The following USP25 variants were observed in gnomAD, a reference collection of about 807,000 sequenced individuals.
USP25 encodes ubiquitin carboxyl-terminal hydrolase 25.
A neutral mutation model predicts 158.5 loss-of-function variants in USP25; 85 were observed. The ratio of observed to expected loss-of-function variants is 0.54; its 90% CI spans 0.45 to 0.64. The LOEUF (loss-of-function observed/expected upper bound fraction) is 0.64. Among genes scored for constraint, USP25 ranks in the 30% least tolerant of loss-of-function variants. The pLI is 0.00. For missense variants in USP25, 1,242 were observed against 1,327.3 expected, an observed-to-expected ratio of 0.94 and a Z score of 1.00; for synonymous variants, 464 against 460.4, an observed-to-expected ratio of 1.01 and a Z score of -0.10.
chr21:15,835,735 ACTT>A (rs1445276188), intron 17 of USP25, among the ~76,000 whole-genome samples: 2 of 152,220 alleles, frequency 1.3e-5, no homozygotes, highest in African/African-American at 2.4e-5. Context: ...TGGTAATACT[ACTT>A]CTGTAGGAAA....
chr21:15,849,356 G>A (rs2038779939), intron 19 of USP25, among the ~76,000 whole-genome samples: 1 of 152,158 alleles, frequency 6.6e-6, no homozygotes, highest in Admixed American at 6.6e-5. Context: ...GTACAGTTCT[G>A]CAAGGATGAC....
rs374306435 is a variant in USP25, at chr21:15,811,140, T to A, written c.861T>A (p.Asp287Glu). Residue 287 changes from aspartate (D) to glutamate (E), a missense_variant, in exon 9 of 26, where the codon GAT becomes GAA. Transcript: ENST00000400183. ...AFQMKAEEET[D>E]EEKPKNPMVE... ...TATATTTTTTAACATACTTTAGGGA[T>A]GAAGAGAAGCCAAAGAACCCCATGG... 1 of 1,610,642 alleles carries A rather than the reference T, an allele frequency of 6.2e-7. No individual in the cohort carries two copies. The highest frequency in any genetic ancestry group is 1.1e-5 in the South Asian group (1 of 90,070).
intron 4 of USP25, among the ~76,000 whole-genome samples, chr21:15,783,663 A>G (rs1001128144): frequency 2.6e-5 from 4 of 152,102 alleles, no homozygotes; most frequent in African/African-American, 9.7e-5. Flanking sequence ...ATCCTTAAGA[A>G]ATGAAAAAGA....
chr21:15,801,294 T>G (rs1193641461), intron 6 of USP25, among the ~76,000 whole-genome samples: 1 of 151,552 alleles, frequency 6.6e-6, no homozygotes, highest in Non-Finnish European at 1.5e-5. Context: ...GTTGCTATAT[T>G]TATGCTTATA....
chr21:15,734,120 A>G (rs761686964), intron 1 of USP25, among the ~76,000 whole-genome samples: 19 of 152,220 alleles, frequency 1.2e-4, no homozygotes, highest in Non-Finnish European at 1.9e-4. Flanking sequence ...AGAATAAAAA[A>G]GAAACAGTAT....
intron 1 of USP25, among the ~76,000 whole-genome samples, chr21:15,752,726 G>A (rs2033113933): frequency 6.6e-6 from 1 of 152,098 alleles, no homozygotes; most frequent in African/African-American, 2.4e-5. Flanking sequence ...TTTAGCTCTG[G>A]AATTCTATAA....
At position 15,731,842 on chromosome 21, in the gene USP25, A is replaced by G. The variant is rs946811328; in HGVS notation, c.45+1404A>G. Among the ~76,000 whole-genome samples, 3 of 152,340 alleles carry G rather than the reference A, an allele frequency of 2.0e-5. No homozygotes were observed. In the South Asian group the frequency reaches 6.2e-4, roughly 32 times the overall value. The stretch of plus-strand genomic sequence containing the variant: ...AATTTTTAAAGACTTAAGGCTTAGG[A>G]AAGAGCACATGGTCATGTGAACGCT... On this transcript the variant is annotated intron_variant, in intron 1 of 25. Transcript: ENST00000400183.
At position 15,824,072 on chromosome 21, in the gene USP25, T is replaced by G; in HGVS notation, c.1114T>G (p.Phe372Val). ...TACTGAATTACCACCTGTGTTAACA[T>G]TTGAATTGTCAAGATTTGAATTTAA... ...WFTELPPVLT[F>V]ELSRFEFNQA... The change falls in exon 11 of 26, where the codon TTT (phenylalanine) becomes GTT (valine). Residue 372 changes from phenylalanine (F) to valine (V), a missense_variant. Around this residue, in one of 3 missense-constraint regions of USP25, gnomAD observed 627 missense variants for 701.4 expected, o/e 0.89. Transcript: ENST00000400183. The G allele has an allele frequency of 6.2e-7, 1 of 1,613,622 alleles. No homozygotes were observed. The highest frequency in any genetic ancestry group is 1.3e-5 in the African/African-American group (1 of 75,034).
rs2038438320 is a variant in USP25 at position 15,843,508 on chromosome 21, A to G, written c.2337+968A>G. ...TTTTGTTTTGATGAACTAAATAACA[A>G]TACAAATTATTTTTTGTTTGAACAA... On this transcript the variant is annotated intron_variant, in intron 18 of 25. Coordinates refer to ENST00000400183, the MANE Select transcript of USP25 (RefSeq NM_001283041.3). This position sits in a 1 kb window ranked among gnomAD's most constrained non-coding sequence, Gnocchi z 4.0. Among the ~76,000 whole-genome samples the G allele has an allele frequency of 1.3e-5, 2 of 152,240 alleles. No homozygotes were observed. The highest frequency in any genetic ancestry group is 6.5e-5 in the Admixed American group (1 of 15,284).
rs571864830 is a variant in USP25 at position 15,751,856 on chromosome 21, A to G, written c.46-11035A>G. 3.3e-5 allele frequency among the ~76,000 whole-genome samples: 5 copies of G among 152,366 alleles called. No homozygotes were observed. In the South Asian group the frequency reaches 1.0e-3, roughly 32 times the overall value. ...AGTAACAGTATTTTTTGGGAGAAAT[A>G]CATTTAGAGTTTCTACTCATGATGT... is the stretch of plus-strand genomic sequence containing the variant. On this transcript the variant is annotated intron_variant, in intron 1 of 25. Transcript: ENST00000400183.
At chr21:15,796,585 G>A (rs954652288) in intron 5 of USP25, among the ~76,000 whole-genome samples, 3 of 151,452 alleles carry the variant, frequency 2.0e-5, no homozygotes, top group Admixed American at 1.3e-4. Context: ...TAAATGGTTA[G>A]AATGTAGCAT....
At chr21:15,741,177 CT>C (rs1478295138) in intron 1 of USP25, among the ~76,000 whole-genome samples, 3 of 151,096 alleles carry the variant, frequency 2.0e-5, no homozygotes, top group African/African-American at 7.3e-5. Context: ...CAGCAAAAAG[CT>C]TTTGAGATTC....
chr21:15,732,319 A>G (rs2030996449), intron 1 of USP25, among the ~76,000 whole-genome samples: 1 of 152,208 alleles, frequency 6.6e-6, no homozygotes, highest in African/African-American at 2.4e-5. Context: ...TACAGAAGAA[A>G]CACTTAAATG....
chr21:15,807,024 A>G (rs914311174), intron 7 of USP25, among the ~76,000 whole-genome samples: 3 of 151,806 alleles, frequency 2.0e-5, no homozygotes, highest in African/African-American at 4.8e-5. Context: ...CCTGGGCTCA[A>G]CCCTTCCCCA....
chr21:15,873,999 G>A (rs1453941375), intron 23 of USP25, among the ~76,000 whole-genome samples: 1 of 151,958 alleles, frequency 6.6e-6, no homozygotes, highest in Non-Finnish European at 1.5e-5. Flanking sequence ...CAAACCAAAT[G>A]ATGTTTGTGA....
At chr21:15,767,541 A>T (rs1043807341) in intron 3 of USP25, among the ~76,000 whole-genome samples, 1 of 152,102 alleles carries the variant, frequency 6.6e-6, no homozygotes, top group Non-Finnish European at 1.5e-5. Context: ...TTTCAAAACC[A>T]ATGAAAGGGA....
chr21:15,852,224 A>G (rs1378305762), intron 20 of USP25, among the ~76,000 whole-genome samples: 1 of 151,702 alleles, frequency 6.6e-6, no homozygotes, highest in Non-Finnish European at 1.5e-5. Context: ...TTCACTAACC[A>G]TTCTCCTTAC....
rs537803677 is a variant in USP25, at chr21:15,818,732, G to T, written c.966G>T (p.Gln322His). The T allele has an allele frequency of 6.2e-7, 1 of 1,613,156 alleles. No homozygotes were observed. The highest frequency in any genetic ancestry group is 8.5e-7 in the Non-Finnish European group (1 of 1,179,376). Residue 322 changes from glutamine (Q) to histidine (H), a missense_variant, in exon 10 of 26, where the codon CAG (glutamine) becomes CAT (histidine). Gln to His is a conservative substitution (Grantham distance 24, BLOSUM62 0). Around this residue, in one of 3 missense-constraint regions of USP25, gnomAD observed 627 missense variants for 701.4 expected, o/e 0.89. Transcript: ENST00000400183. ...KKFENTEMFG[Q>H]YPLQVNGFKD... ...TTGAAAACACTGAAATGTTTGGTCAGTACCCACTTCAGGTCAATGGGTTCA... is the reference window on the plus strand; with the variant it reads ...TTGAAAACACTGAAATGTTTGGTCATTACCCACTTCAGGTCAATGGGTTCA...
At position 15,730,546 on chromosome 21, in the gene USP25, C is replaced by A. The variant is rs1285161870; in HGVS notation, c.45+108C>A. 11 of 1,201,128 alleles carry A rather than the reference C, an allele frequency of 9.2e-6. No individual in the cohort carries two copies. The East Asian group carries it at 2.1e-4, about 23-fold the overall frequency. 74.4% of individuals were successfully genotyped at this position (1,201,128 alleles called of 1,614,324 possible). On this transcript the variant is annotated intron_variant, in intron 1 of 25. Transcript: ENST00000400183. ...TCGCCGCCGCCGCCTTCCCGGGCTT[C>A]CTCCCCGGTCACCCCCGGCCCCTGC... is the stretch of plus-strand genomic sequence containing the variant.
Sources: gnomAD v4.1 joint callset for allele counts (sites outside exome capture counted in the v4.1 genomes callset) on GRCh38, gnomAD v4.1.1 for gene constraint, gnomAD v4.1.1 regional missense constraint, Gnocchi (gnomAD v3.1) non-coding constraint, MANE v1.5 for transcripts, NCBI Gene and HGNC (gene_info 2026-07-23, HGNC 2026-07-21) for gene names.